Variants in IDE observed in about 807,000 individuals in gnomAD.
IDE encodes the protein insulin degrading enzyme.
In IDE, 58 loss-of-function variants were observed where a neutral mutation model predicts 133.2. The ratio of observed to expected loss-of-function variants is 0.44; its 90% CI spans 0.35 to 0.54. The LOEUF (loss-of-function observed/expected upper bound fraction) is 0.54. IDE is among the 20% of genes least tolerant of loss of function. The pLI, the probability that IDE is intolerant of heterozygous loss-of-function variation, is 0.00. For missense variants in IDE, 981 were observed against 1,234.0 expected (o/e 0.79, Z 3.07); for synonymous variants, 396 against 421.3 (o/e 0.94, Z 0.73).
chr10:92,464,919 C>T (rs928923292), intron 20 of IDE, among the ~76,000 whole-genome samples: 10 of 152,216 alleles, frequency 6.6e-5, no homozygotes, highest in African/African-American at 1.9e-4. Flanking sequence ...ATCCACCCGC[C>T]GCAGCCTCCC....
chr10:92,572,056 ATC>A (rs1350706842), intron 1 of IDE, among the ~76,000 whole-genome samples: 11 of 152,272 alleles, frequency 7.2e-5, no homozygotes, highest in African/African-American at 2.6e-4. Context: ...TATGCTTTGA[ATC>A]TCTCAAATTT....
At chr10:92,465,031 C>T (rs1845599580) in intron 20 of IDE, among the ~76,000 whole-genome samples, 1 of 152,196 alleles carries the variant, frequency 6.6e-6, no homozygotes, top group East Asian at 1.9e-4. Context: ...CTTTACAGGC[C>T]TGCCATCCTG....
At chr10:92,567,151 TACAAGACTGTGCCC>T (rs1843595042) in intron 1 of IDE, among the ~76,000 whole-genome samples, 1 of 152,162 alleles carries the variant, frequency 6.6e-6, no homozygotes, top group Non-Finnish European at 1.5e-5. Context: ...CAAAAGTGCC[TACAAGACTGTGCCC>T]ACTGCTGTAC....
rs1377967127 is a variant in IDE, at chr10:92,453,726, G to A, written c.*718C>T. On this transcript the variant is annotated 3_prime_UTR_variant, in exon 25 of 25. Coordinates refer to ENST00000265986, the MANE Select transcript of IDE (RefSeq NM_004969.4). ...ACTGCAAACCAACTATGAAGAAGTAGGTCAATATAATTCAATCAGAATGAA... is the reference window on the plus strand; with the variant it reads ...ACTGCAAACCAACTATGAAGAAGTAAGTCAATATAATTCAATCAGAATGAA... The A allele has an allele frequency of 6.6e-6, 1 of 152,064 alleles. No individual in the cohort carries two copies. Among genetic ancestry groups the A allele is most frequent in the Admixed American group, 6.5e-5 (1 of 15,274 alleles). The allele number at this position is 152,064 out of a possible 1,614,324, so 9.4% of individuals were successfully genotyped here. A position where few individuals can be genotyped will look rare whatever the true frequency, so the allele number is the denominator to read the frequency against.
At chr10:92,551,652 G>A (rs771782900) in intron 1 of IDE, among the ~76,000 whole-genome samples, 7 of 151,732 alleles carry the variant, frequency 4.6e-5, no homozygotes, top group Non-Finnish European at 1.0e-4. Flanking sequence ...GGTACCTAGA[G>A]TAGTCAAATT....
intron 1 of IDE, among the ~76,000 whole-genome samples, chr10:92,547,070 C>T (rs900211790): frequency 1.3e-5 from 2 of 152,076 alleles, no homozygotes; most frequent in Non-Finnish European, 2.9e-5. Context: ...AGACACCTGT[C>T]ATGGTTTTCT....
intron 1 of IDE, 44 bp from the exon 2 acceptor site, chr10:92,537,594 T>C: frequency 7.2e-7 from 1 of 1,397,388 alleles, no homozygotes; most frequent in Non-Finnish European, 9.9e-7. Context: ...TGACTTTATA[T>C]TTAAGGACAA....
intron 4 of IDE, among the ~76,000 whole-genome samples, chr10:92,523,843 C>T (rs1478028913): frequency 6.6e-6 from 1 of 152,008 alleles, no homozygotes; most frequent in Non-Finnish European, 1.5e-5. Context: ...TGACCTCCTT[C>T]TTTTATTTCC....
intron 1 of IDE, among the ~76,000 whole-genome samples, chr10:92,568,472 T>C (rs1306098896): frequency 6.6e-6 from 1 of 152,188 alleles, no homozygotes; most frequent in Non-Finnish European, 1.5e-5. Context: ...TTAAGAAGTA[T>C]TCAAATGTGA....
intron 11 of IDE, among the ~76,000 whole-genome samples, chr10:92,494,649 C>A (rs1399065993): frequency 1.3e-5 from 2 of 152,114 alleles, no homozygotes; most frequent in Non-Finnish European, 2.9e-5. Context: ...AAACTTACAA[C>A]AGCAAGAAAA....
Position 92,537,231 on chromosome 10 carries a change from G to A in IDE, c.283+135C>T, listed in dbSNP as rs946758181. On this transcript the variant is annotated intron_variant, in intron 2 of 24. Transcript: ENST00000265986. ...AACTGCAGTTTACCAATAGCTTTAC[G>A]AGGGTTCTGGTATAAAATAAGGTAC... The A allele has an allele frequency of 2.5e-5, 14 of 570,922 alleles. No individual in the cohort carries two copies. The South Asian group carries it at 2.9e-4, about 12-fold the overall frequency. The allele number at this position is 570,922 out of a possible 1,614,324, so 35.4% of individuals were successfully genotyped here.
At chr10:92,537,688 G>A (rs1036899043) in intron 1 of IDE, 138 bp from the exon 2 acceptor site, 85 of 612,206 alleles carry the variant, frequency 1.4e-4, no homozygotes, top group Non-Finnish European at 5.4e-5. Flanking sequence ...ACTCTACAGG[G>A]TGCAGTCATT....
intron 1 of IDE, among the ~76,000 whole-genome samples, chr10:92,556,393 C>T (rs1248138312): frequency 4.6e-5 from 7 of 151,944 alleles, no homozygotes; most frequent in Non-Finnish European, 7.4e-5. Flanking sequence ...GAGGCTGAGG[C>T]GGGTGGATGA....
chr10:92,476,141 A>G, intron 15 of IDE, 147 bp from the exon 16 acceptor site: 1 of 574,592 alleles, frequency 1.7e-6, no homozygotes. Context: ...ATAAATATAT[A>G]TAGTGTAACA....
chr10:92,529,336 G>A (rs961284913), intron 4 of IDE, among the ~76,000 whole-genome samples: 5 of 152,116 alleles, frequency 3.3e-5, no homozygotes, highest in African/African-American at 1.2e-4. Flanking sequence ...AAAATTCAAC[G>A]TAAGTTTATA....
chr10:92,507,838 A>G (rs1228177258), intron 8 of IDE, among the ~76,000 whole-genome samples, 172 bp from the exon 9 acceptor site: 4 of 152,196 alleles, frequency 2.6e-5, no homozygotes, highest in African/African-American at 9.7e-5. Flanking sequence ...CTCTGGGCTC[A>G]GAGATATGTG....
chr10:92,537,265 G>A (rs1318661032), intron 2 of IDE, 101 bp downstream of exon 2: 8 of 842,028 alleles, frequency 9.5e-6, no homozygotes, highest in East Asian at 2.6e-5. Context: ...ACATGGAACC[G>A]GTAACTATTG....
At chr10:92,484,522 C>T (rs1448028772) in intron 13 of IDE, among the ~76,000 whole-genome samples, 1 of 152,036 alleles carries the variant, frequency 6.6e-6, no homozygotes, top group Non-Finnish European at 1.5e-5. Flanking sequence ...GACTTGAGGC[C>T]AGGAGTTCGA....
intron 10 of IDE, among the ~76,000 whole-genome samples, chr10:92,506,238 AAAT>A (rs1212357457): frequency 6.6e-6 from 1 of 152,224 alleles, no homozygotes; most frequent in Admixed American, 6.5e-5. Flanking sequence ...TATTTAATAA[AAAT>A]ATTACATAAA....
Sources: allele counts gnomAD v4.1 joint callset (sites outside exome capture counted in the v4.1 genomes callset), GRCh38; gene constraint gnomAD v4.1.1; transcripts MANE v1.5; gene names NCBI Gene and HGNC (gene_info 2026-07-23, HGNC 2026-07-21).